The following EFNA5 variants were observed in gnomAD, a reference collection of about 807,000 sequenced individuals.
EFNA5 encodes ephrin A5.
A neutral mutation model predicts 22.9 loss-of-function variants in EFNA5; 5 were observed. That is an observed-to-expected ratio of 0.22 (90% CI 0.11 to 0.46). The LOEUF (loss-of-function observed/expected upper bound fraction) is 0.46. EFNA5 is among the 20% of genes least tolerant of loss of function. EFNA5 has a pLI of 0.99. For missense variants in EFNA5, 237 were observed against 293.3 expected, an observed-to-expected ratio of 0.81 and a Z score of 1.40; for synonymous variants, 113 against 112.2, an observed-to-expected ratio of 1.01 and a Z score of -0.04.
At chr5:107,462,904 A>C (rs1749868764) in intron 1 of EFNA5, among the ~76,000 whole-genome samples, 1 of 152,296 alleles carries the variant, frequency 6.6e-6, no homozygotes, top group South Asian at 2.1e-4. Context: ...ATAAGGAGAA[A>C]TACCACACAG....
chr5:107,554,622 A>C (rs1161618473), intron 1 of EFNA5, among the ~76,000 whole-genome samples: 2 of 152,216 alleles, frequency 1.3e-5, no homozygotes, highest in Non-Finnish European at 2.9e-5. Flanking sequence ...AAACTAATTG[A>C]TAGGCAAAGA....
chr5:107,381,282 G>T lies in EFNA5; in HGVS notation c.660C>A (p.Phe220Leu). ...ATAATGTCAAAAGCATCGCCAGGAG[G>T]AACAGTAGGATTGCCAAAAGGCGGC... ...IPSRLLAILLFLLAMLLTL is the reference protein window; with the variant it reads ...IPSRLLAILLLLLAMLLTL Residue 220 changes from phenylalanine (F) to leucine (L), a missense_variant, in exon 5 of 5, where the codon TTC (phenylalanine) becomes TTA (leucine). Transcript: ENST00000333274. The T allele has an allele frequency of 6.2e-7, 1 of 1,613,988 alleles. No homozygotes were observed. The highest frequency in any genetic ancestry group is 8.5e-7 in the Non-Finnish European group (1 of 1,179,906).
chr5:107,608,137 T>C (rs1749759904), intron 1 of EFNA5, among the ~76,000 whole-genome samples: 1 of 152,222 alleles, frequency 6.6e-6, no homozygotes, highest in African/African-American at 2.4e-5. Context: ...AAGCATGAGT[T>C]GTACTTATCA....
At position 107,379,777 on chromosome 5, in the gene EFNA5, G is replaced by T. The variant is rs572806664; in HGVS notation, c.*1478C>A. Reference sequence around the variant, plus strand: ...CTGCCCCACCCCCACAATGAAACAAGATAGCCCCCATATTTCTAAATGTAT... The same window carrying T: ...CTGCCCCACCCCCACAATGAAACAATATAGCCCCCATATTTCTAAATGTAT... On this transcript the variant is annotated 3_prime_UTR_variant, in exon 5 of 5. Transcript: ENST00000333274. 1 of 151,476 alleles carries T rather than the reference G, an allele frequency of 6.6e-6. No homozygotes were observed. Among genetic ancestry groups the T allele is most frequent in the African/African-American group, 2.4e-5 (1 of 41,118 alleles). 9.4% of individuals were successfully genotyped at this position (151,476 alleles called of 1,614,324 possible).
rs569076538 is a variant in EFNA5 at position 107,534,708 on chromosome 5, T to C, written c.126-107199A>G. Among the ~76,000 whole-genome samples the C allele has an allele frequency of 2.0e-5, 3 of 152,278 alleles. No homozygotes were observed. In the East Asian group the frequency reaches 5.8e-4, roughly 29 times the overall value. ...CTCAAGTTACTTCTGGTAGACCACA[T>C]ATAAGGAGAACAGCACTGAATTGGG... On this transcript the variant is annotated intron_variant, in intron 1 of 4. Transcript: ENST00000333274.
At chr5:107,538,472 T>C (rs113702772) in intron 1 of EFNA5, among the ~76,000 whole-genome samples, 6,255 of 152,254 alleles carry the variant, frequency 0.041, 421 homozygotes, top group African/African-American at 0.14. Context: ...ATTCCATTAC[T>C]GAGGAACATA....
intron 1 of EFNA5, among the ~76,000 whole-genome samples, chr5:107,571,633 T>C (rs964637444): frequency 6.6e-6 from 1 of 151,796 alleles, no homozygotes; most frequent in Non-Finnish European, 1.5e-5. Context: ...CCAGACACTA[T>C]CCTCTGGCTA....
intron 1 of EFNA5, among the ~76,000 whole-genome samples, chr5:107,588,346 T>C (rs1443559173): frequency 6.6e-6 from 1 of 152,188 alleles, no homozygotes; most frequent in African/African-American, 2.4e-5. Flanking sequence ...CCTTCCGTCC[T>C]GGAAGAGGAT....
At chr5:107,505,003 T>G (rs1455461968) in intron 1 of EFNA5, among the ~76,000 whole-genome samples, 1 of 152,170 alleles carries the variant, frequency 6.6e-6, no homozygotes, top group Non-Finnish European at 1.5e-5. Flanking sequence ...CCTTTGTTTT[T>G]CCGTATCTTT....
chr5:107,468,378 G>A (rs1351494077), intron 1 of EFNA5, among the ~76,000 whole-genome samples: 1 of 152,330 alleles, frequency 6.6e-6, no homozygotes, highest in Admixed American at 6.5e-5. Context: ...AGGGAAGGGT[G>A]TTTATAAGAA....
Position 107,378,505 on chromosome 5 carries a change from ACAC to A in EFNA5, c.*2747_*2749del, listed in dbSNP as rs1747339659. On this transcript the variant is annotated 3_prime_UTR_variant, in exon 5 of 5. Transcript: ENST00000333274. ...CCTCCTAAGCCCCCAGAGGATTGTA[ACAC>A]CACCACAAAAGGCCACCAACACTTT... is the stretch of plus-strand genomic sequence containing the variant. The A allele has an allele frequency of 6.6e-6, 1 of 152,198 alleles. No homozygotes were observed. Among genetic ancestry groups the A allele is most frequent in the Admixed American group, 6.5e-5 (1 of 15,284 alleles). The allele number at this position is 152,198 out of a possible 1,614,324, so 9.4% of individuals were successfully genotyped here.
intron 1 of EFNA5, among the ~76,000 whole-genome samples, chr5:107,541,568 G>C (rs1226010706): frequency 2.0e-5 from 3 of 152,184 alleles, no homozygotes; most frequent in African/African-American, 4.8e-5. Context: ...AACTTGTGTT[G>C]GTTACAGATT....
intron 1 of EFNA5, among the ~76,000 whole-genome samples, chr5:107,635,260 A>G (rs1217099951): frequency 6.6e-6 from 1 of 152,216 alleles, no homozygotes; most frequent in East Asian, 1.9e-4. Context: ...TTTAATGTAT[A>G]ACTGCTTTTA....
chr5:107,416,667 A>T (rs867830994), intron 2 of EFNA5, among the ~76,000 whole-genome samples: 15 of 152,228 alleles, frequency 9.9e-5, no homozygotes, highest in Admixed American at 2.6e-4. Flanking sequence ...GCAAAAGGCT[A>T]AACTAAACTT....
chr5:107,670,450 G>T, intron 1 of EFNA5, 39 bp downstream of exon 1: 2 of 1,532,624 alleles, frequency 1.3e-6, no homozygotes, highest in Non-Finnish European at 1.8e-6. Context: ...GGGCCCCGAG[G>T]CCCGGGTAGC....
At chr5:107,588,458 G>A (rs1229899629) in intron 1 of EFNA5, among the ~76,000 whole-genome samples, 5 of 152,214 alleles carry the variant, frequency 3.3e-5, no homozygotes, top group African/African-American at 9.6e-5. Context: ...GATTCCGCTC[G>A]AGCCATGTTT....
chr5:107,591,865 T>A (rs1253240825), intron 1 of EFNA5, among the ~76,000 whole-genome samples: 4 of 60,044 alleles, frequency 6.7e-5, no homozygotes, highest in East Asian at 3.4e-4. Context: ...ATATAAAAAA[T>A]ATATATATAA....
intron 1 of EFNA5, among the ~76,000 whole-genome samples, chr5:107,430,469 A>G (rs1748918359): frequency 6.6e-6 from 1 of 152,166 alleles, no homozygotes; most frequent in South Asian, 2.1e-4. Flanking sequence ...GAAAGTAAAA[A>G]TTAAAACTGC....
At chr5:107,657,354 A>G (rs1288873981) in intron 1 of EFNA5, among the ~76,000 whole-genome samples, 1 of 152,120 alleles carries the variant, frequency 6.6e-6, no homozygotes, top group Non-Finnish European at 1.5e-5. Flanking sequence ...GAGTCACAGA[A>G]GGTTCTAGCA....
Sources: allele counts gnomAD v4.1 joint callset (sites outside exome capture counted in the v4.1 genomes callset), GRCh38; gene constraint gnomAD v4.1.1; transcripts MANE v1.5; gene names NCBI Gene and HGNC (gene_info 2026-07-23, HGNC 2026-07-21).